THBS4: variants seen among roughly 807,000 people sequenced by gnomAD.
THBS4 encodes thrombospondin 4.
Under a neutral mutation model 115.7 loss-of-function variants are expected in THBS4, and 90 were observed. The observed-to-expected ratio is 0.78, with a 90% confidence interval of 0.66 to 0.93. THBS4 has a LOEUF of 0.93. Ranked by LOEUF, THBS4 falls within the 40% of genes least tolerant of loss-of-function variation. The pLI is 0.00. For synonymous variants in THBS4, 460 were observed against 479.3 expected (o/e 0.96, Z 0.53); for missense variants, 1,087 against 1,232.7 (o/e 0.88, Z 1.77).
At chr5:80,062,551 A>ATACTT (rs1833671379) in intron 8 of THBS4, among the ~76,000 whole-genome samples, 1 of 152,314 alleles carries the variant, frequency 6.6e-6, no homozygotes, top group East Asian at 1.9e-4. Context: ...AGTTATTGTT[A>ATACTT]TACTTTAAGT....
intron 8 of THBS4, 131 bp downstream of exon 8, chr5:80,061,963 G>A (rs1186552918): frequency 3.0e-6 from 3 of 1,013,938 alleles, no homozygotes; most frequent in Non-Finnish European, 1.4e-6. Flanking sequence ...GGTGCAAAAT[G>A]AGCAAATTAG....
intron 2 of THBS4, among the ~76,000 whole-genome samples, chr5:80,011,550 T>G (rs780515694): frequency 3.3e-5 from 5 of 152,128 alleles, no homozygotes; most frequent in Non-Finnish European, 7.4e-5. Context: ...CAAAAACCAC[T>G]TCATTGAGGA....
intron 1 of THBS4, among the ~76,000 whole-genome samples, chr5:80,038,165 A>T (rs1280521195): frequency 6.6e-6 from 1 of 152,156 alleles, no homozygotes; most frequent in Non-Finnish European, 1.5e-5. Flanking sequence ...ATAAGCAAAA[A>T]ATAAAATAAA....
At chr5:80,010,740 A>C (rs905269917) in intron 2 of THBS4, among the ~76,000 whole-genome samples, 1 of 152,230 alleles carries the variant, frequency 6.6e-6, no homozygotes, top group Non-Finnish European at 1.5e-5. Flanking sequence ...GTACAGTCAC[A>C]ACAAGGTCTC....
chr5:80,068,160 C>G, intron 10 of THBS4, 35 bp downstream of exon 10: 6 of 1,610,180 alleles, frequency 3.7e-6, no homozygotes, highest in Non-Finnish European at 4.2e-6. Flanking sequence ...ATCATTTTTC[C>G]TCTTCCATTT....
intron 20 of THBS4, chr5:80,080,299 G>A (rs1743423383): frequency 1.8e-6 from 1 of 556,672 alleles, no homozygotes; most frequent in South Asian, 2.2e-5. Context: ...GATGGGGATA[G>A]AAGGAGCAGA....
At chr5:80,082,245 G>T in intron 20 of THBS4, 161 bp from the exon 21 acceptor site, 1 of 881,598 alleles carries the variant, frequency 1.1e-6, no homozygotes, top group East Asian at 2.5e-5. Flanking sequence ...GTAAGTAAGT[G>T]GCAACAGCTA....
At chr5:80,082,206 G>A (rs1052539269) in intron 20 of THBS4, 200 bp from the exon 21 acceptor site, 4 of 512,540 alleles carry the variant, frequency 7.8e-6, no homozygotes, top group African/African-American at 5.9e-5. Context: ...GGACACACAC[G>A]GTCCCTGCCC....
intron 2 of THBS4, among the ~76,000 whole-genome samples, chr5:80,045,656 A>G (rs1249013317): frequency 2.0e-5 from 3 of 150,530 alleles, no homozygotes; most frequent in Non-Finnish European, 4.4e-5. Flanking sequence ...TCAGCCTCCC[A>G]ATTAGCTGGG....
At chr5:80,064,566 A>C (rs1422722582) in intron 8 of THBS4, among the ~76,000 whole-genome samples, 2 of 152,206 alleles carry the variant, frequency 1.3e-5, no homozygotes, top group African/African-American at 4.8e-5. Flanking sequence ...CCCTACAAAA[A>C]ATACACACAA....
intron 3 of THBS4, among the ~76,000 whole-genome samples, chr5:80,057,221 G>A (rs1447126602): frequency 1.3e-5 from 2 of 152,118 alleles, no homozygotes; most frequent in Admixed American, 1.3e-4. Flanking sequence ...AGAAATTAGT[G>A]TTCACCACCA....
upstream of THBS4, chr5:80,033,134 G>A (rs572594939): frequency 6.6e-5 from 22 of 333,322 alleles, no homozygotes; most frequent in Non-Finnish European, 1.1e-4. Context: ...AAATACACAC[G>A]GTCATAAAAA....
chr5:80,013,397 C>T (rs566610307), intron 2 of THBS4, among the ~76,000 whole-genome samples: 6 of 152,262 alleles, frequency 3.9e-5, no homozygotes, highest in Admixed American at 2.0e-4. Context: ...CCTCAGCCTC[C>T]CAAAGTGCTG....
Position 80,070,698 on chromosome 5 carries a change from T to C in THBS4, c.1508T>C (p.Ile503Thr), listed in dbSNP as rs747399633. Residue 503 changes from isoleucine (I) to threonine (T), a missense_variant, in exon 12 of 22, where the codon ATT (isoleucine) becomes ACT (threonine). Ile to Thr is a moderately conservative substitution (Grantham distance 89). Transcript: ENST00000350881. Reference sequence around the variant, plus strand: ...CAAGAAGATGCAGACAGAGATGGCATTGGCGACGCTTGTGACGAGGATGCT... The same window carrying C: ...CAAGAAGATGCAGACAGAGATGGCACTGGCGACGCTTGTGACGAGGATGCT... ...SGQEDADRDG[I>T]GDACDEDADG... 8.1e-6 allele frequency: 13 copies of C among 1,614,050 alleles called. No individual in the cohort carries two copies. The highest frequency in any genetic ancestry group is 6.7e-5 in the Admixed American group (4 of 60,004).
intron 7 of THBS4, among the ~76,000 whole-genome samples, chr5:80,061,371 T>C (rs1833627847): frequency 6.6e-6 from 1 of 152,148 alleles, no homozygotes; most frequent in Non-Finnish European, 1.5e-5. Flanking sequence ...TCCAGGGACA[T>C]AGTCCTTTCA....
chr5:79,991,625 A>G (rs1005194245), intron 1 of THBS4, among the ~76,000 whole-genome samples: 2 of 152,172 alleles, frequency 1.3e-5, no homozygotes, highest in African/African-American at 4.8e-5. Context: ...GCACTCAGTA[A>G]TTGTTCAACC....
chr5:79,998,990 C>G (rs2151148996), intron 2 of THBS4, among the ~76,000 whole-genome samples: 1 of 152,262 alleles, frequency 6.6e-6, no homozygotes, highest in Non-Finnish European at 1.5e-5. Flanking sequence ...AAGATGCTCT[C>G]CAGGAAATCA....
chr5:80,079,658 T>C (rs910574686), intron 19 of THBS4, among the ~76,000 whole-genome samples: 3 of 152,156 alleles, frequency 2.0e-5, no homozygotes, highest in African/African-American at 4.8e-5. Context: ...ATTGGGCAAA[T>C]GTAGGGAGCA....
chr5:80,060,287 G>A (rs1023495040), intron 7 of THBS4, among the ~76,000 whole-genome samples: 5 of 152,172 alleles, frequency 3.3e-5, no homozygotes, highest in East Asian at 3.9e-4. Flanking sequence ...AGGAGTCACC[G>A]TGGATTTCTT....
Sources: gnomAD v4.1 joint callset for allele counts (sites outside exome capture counted in the v4.1 genomes callset) on GRCh38, gnomAD v4.1.1 for gene constraint, MANE v1.5 for transcripts, NCBI Gene and HGNC (gene_info 2026-07-23, HGNC 2026-07-21) for gene names.